Variants in LCK observed in about 807,000 individuals in gnomAD.
LCK encodes the protein LCK proto-oncogene, Src family tyrosine kinase.
Under a neutral mutation model 64.6 loss-of-function variants are expected in LCK, and 14 were observed. The ratio of observed to expected loss-of-function variants is 0.22; its 90% CI spans 0.14 to 0.34. LCK has a LOEUF of 0.34. LCK is among the 10% of genes least tolerant of loss of function. The probability of loss-of-function intolerance (pLI) is 1.00; values close to 1 mark genes in which losing one functional copy is unlikely to be tolerated. For missense variants in LCK, 434 were observed against 668.1 expected, an observed-to-expected ratio of 0.65 and a Z score of 3.86; for synonymous variants, 277 against 263.6, an observed-to-expected ratio of 1.05 and a Z score of -0.49.
At chr1:32,272,585 GAA>G (rs1456524073) in intron 1 of LCK, among the ~76,000 whole-genome samples, 3 of 141,428 alleles carry the variant, frequency 2.1e-5, no homozygotes, top group Non-Finnish European at 4.8e-5. Flanking sequence ...GAGAGAGAGA[GAA>G]AGAGAGAGAG....
intron 1 of LCK, among the ~76,000 whole-genome samples, chr1:32,262,970 C>T (rs1045294049): frequency 7.2e-5 from 11 of 151,830 alleles, no homozygotes; most frequent in African/African-American, 2.7e-4. Flanking sequence ...TTCTTTTCTC[C>T]CAATTTAGGA....
chr1:32,284,345 A>AAT (rs1372531378), intron 12 of LCK, among the ~76,000 whole-genome samples: 1 of 147,334 alleles, frequency 6.8e-6, no homozygotes, highest in East Asian at 2.0e-4. Context: ...TATATATAAT[A>AAT]ATATATATAT....
chr1:32,252,599 C>T (rs535386930), intron 1 of LCK, among the ~76,000 whole-genome samples: 7 of 152,254 alleles, frequency 4.6e-5, no homozygotes, highest in Non-Finnish European at 8.8e-5. Context: ...GGGTCATTCA[C>T]CCTGGACAGG....
intron 1 of LCK, among the ~76,000 whole-genome samples, chr1:32,268,813 CAA>C (rs1203257987): frequency 1.5e-4 from 8 of 53,256 alleles, no homozygotes; most frequent in Admixed American, 2.1e-4. Flanking sequence ...AACTCCGTCT[CAA>C]AAAAAAAAAA....
chr1:32,256,532 A>G (rs1444695486), intron 1 of LCK, among the ~76,000 whole-genome samples: 6 of 151,626 alleles, frequency 4.0e-5, no homozygotes, highest in Non-Finnish European at 8.8e-5. Context: ...CGGGAAGTGG[A>G]GGTTGCAGTG....
chr1:32,274,304 C>T lies in LCK; in HGVS notation c.-5-21C>T, dbSNP rs1640188530. On this transcript the variant is annotated intron_variant, in intron 1 of 12. Coordinates refer to ENST00000336890, the MANE Select transcript of LCK (RefSeq NM_005356.5). ...GCAGATCTTGGGGGAGCCCCTTCAG[C>T]CCCCTCTTCCATTCCCTCAGGGACC... The T allele has an allele frequency of 5.6e-6, 9 of 1,613,836 alleles. No homozygotes were observed. In the South Asian group the frequency reaches 9.9e-5, roughly 18 times the overall value.
chr1:32,284,315 A>ATATATATATCT (rs1484411370), intron 12 of LCK, among the ~76,000 whole-genome samples: 1 of 148,166 alleles, frequency 6.7e-6, no homozygotes, highest in South Asian at 2.1e-4. Context: ...TATCTGTGAG[A>ATATATATATCT]GATATATATA....
intron 1 of LCK, among the ~76,000 whole-genome samples, chr1:32,253,276 T>A (rs1639551400): frequency 6.6e-6 from 1 of 152,162 alleles, no homozygotes; most frequent in South Asian, 2.1e-4. Flanking sequence ...GAGGCAGAAT[T>A]GCTTGAACCC....
intron 1 of LCK, among the ~76,000 whole-genome samples, chr1:32,255,030 G>A (rs1639596357): frequency 6.6e-6 from 1 of 152,032 alleles, no homozygotes; most frequent in Non-Finnish European, 1.5e-5. Flanking sequence ...CAAACAGTAA[G>A]AGGCATATAA....
intron 12 of LCK, among the ~76,000 whole-genome samples, chr1:32,280,751 C>A (rs999631758): frequency 1.3e-5 from 2 of 152,146 alleles, no homozygotes; most frequent in African/African-American, 4.8e-5. Context: ...CCACACCCGG[C>A]CCCAGCTCTT....
chr1:32,275,909 T>C lies in LCK; in HGVS notation c.482-5T>C, dbSNP rs746119799. On this transcript the variant is annotated splice_polypyrimidine_tract_variant and splice_region_variant and intron_variant, in intron 6 of 12. Transcript: ENST00000336890. The surrounding 1 kb of genome is among the most constrained non-coding windows in gnomAD (Gnocchi z 6.9). ...GTCGCTTTGTCCATCCATTCATTCATTCAGGATCGTTTTCACTGTCGGTCC... is the reference window on the plus strand; with the variant it reads ...GTCGCTTTGTCCATCCATTCATTCACTCAGGATCGTTTTCACTGTCGGTCC... 1 of 1,614,098 alleles carries C rather than the reference T, an allele frequency of 6.2e-7. No homozygotes were observed. The highest frequency in any genetic ancestry group is 1.1e-5 in the South Asian group (1 of 91,086).
chr1:32,253,094 G>T (rs896747249), intron 1 of LCK, among the ~76,000 whole-genome samples: 1 of 152,148 alleles, frequency 6.6e-6, no homozygotes. Flanking sequence ...AGCTGGGCAC[G>T]GTGGCTCACA....
At chr1:32,270,237 C>A (rs1476907731) in intron 1 of LCK, among the ~76,000 whole-genome samples, 1 of 150,904 alleles carries the variant, frequency 6.6e-6, no homozygotes, top group African/African-American at 2.4e-5. Flanking sequence ...CTCCAGCCAC[C>A]ATGCCCAGCT....
intron 1 of LCK, among the ~76,000 whole-genome samples, chr1:32,264,615 TTG>T (rs1639864863): frequency 6.6e-6 from 1 of 152,164 alleles, no homozygotes; most frequent in South Asian, 2.1e-4. Context: ...TGAACTGTAT[TTG>T]TGTTTCCTAA....
chr1:32,275,005 TC>T lies in LCK; in HGVS notation c.201del (p.Ile67MetfsTer37). The T allele has an allele frequency of 6.2e-7, 1 of 1,614,234 alleles. No homozygotes were observed. Among genetic ancestry groups the T allele is most frequent in the Non-Finnish European group, 8.5e-7 (1 of 1,180,046 alleles). On this transcript the variant is annotated frameshift_variant, in exon 4 of 13. Transcript: ENST00000336890. LOFTEE classifies it high-confidence loss of function. This position sits in a 1 kb window ranked among gnomAD's most constrained non-coding sequence, Gnocchi z 6.9. Reference sequence around the variant, plus strand: ...CTTGTCTTTACAGACAACCTGGTTATCGCTCTGCACAGCTATGAGCCCTCTC... The same window carrying T: ...CTTGTCTTTACAGACAACCTGGTTATGCTCTGCACAGCTATGAGCCCTCTC... ...PASPLQDNLV[I>X]ALHSYEPSHD... is the part of the protein sequence containing the mutation.
At chr1:32,279,623 C>A in intron 9 of LCK, 48 bp from the exon 10 acceptor site, 2 of 1,613,714 alleles carry the variant, frequency 1.2e-6, no homozygotes, top group Non-Finnish European at 1.7e-6. Flanking sequence ...GGTCTGGGGG[C>A]CTCCCCCTGG....
chr1:32,285,730 G>T lies in LCK; in HGVS notation c.*14G>T, dbSNP rs763062433. 18 of 1,572,394 alleles carry T rather than the reference G, an allele frequency of 1.1e-5. No homozygotes were observed. In the African/African-American group the frequency reaches 2.2e-4, roughly 19 times the overall value. On this transcript the variant is annotated 3_prime_UTR_variant, in exon 13 of 13. Transcript: ENST00000336890. The stretch of plus-strand genomic sequence containing the variant: ...CCTCAGCCTTGAGAGGCCTTGAGAG[G>T]CCCTGGGGTTCTCCCCCTTTCTCTC...
chr1:32,259,647 T>A (rs1639719396), intron 1 of LCK, among the ~76,000 whole-genome samples: 2 of 150,318 alleles, frequency 1.3e-5, no homozygotes, highest in African/African-American at 4.9e-5. Context: ...ATAATAATAA[T>A]AATGATAATA....
In LCK at chr1:32,258,719, G is replaced by A. The variant is rs546783587; in HGVS notation, c.-6+7348G>A. Among the ~76,000 whole-genome samples, 285 of 148,842 alleles carry A rather than the reference G, an allele frequency of 1.9e-3. 1 individual carries two copies. Among genetic ancestry groups the A allele is most frequent in the African/African-American group, 6.5e-3 (260 of 39,766 alleles). ...CTCGGGAGGCTGAGGCAGGAGAATC[G>A]CTTGAACCTGGGAGGTGGAGGTTGC... On this transcript the variant is annotated intron_variant, in intron 1 of 12. Transcript: ENST00000336890.
Sources: gnomAD v4.1 joint callset for allele counts (sites outside exome capture counted in the v4.1 genomes callset) on GRCh38, gnomAD v4.1.1 for gene constraint, Gnocchi (gnomAD v3.1) non-coding constraint, MANE v1.5 for transcripts, NCBI Gene and HGNC (gene_info 2026-07-23, HGNC 2026-07-21) for gene names.